The following PACRG variants were observed in gnomAD, a reference collection of about 807,000 sequenced individuals.
PACRG encodes the protein parkin coregulated.
A neutral mutation model predicts 29.7 loss-of-function variants in PACRG; 29 were observed. The observed-to-expected ratio is 0.98, with a 90% CI of 0.73 to 1.33. PACRG has a LOEUF of 1.33. Among genes scored for constraint, PACRG ranks in the 40% most tolerant of loss-of-function variants. PACRG has a pLI of 0.00. For synonymous variants in PACRG, 116 were observed against 118.7 expected, an observed-to-expected ratio of 0.98 and a Z score of 0.15; for missense variants, 279 against 316.2, an observed-to-expected ratio of 0.88 and a Z score of 0.89.
chr6:163,101,049 T>C, intron 4 of PACRG: 1 of 982,516 alleles, frequency 1.0e-6, no homozygotes, highest in Non-Finnish European at 1.2e-6. Context: ...TTAGTGAGCA[T>C]ATTTATATTC....
chr6:162,945,155 C>T (rs1388217848), intron 2 of PACRG, among the ~76,000 whole-genome samples: 1 of 152,006 alleles, frequency 6.6e-6, no homozygotes, highest in African/African-American at 2.4e-5. Flanking sequence ...TAAGCCTTCA[C>T]ATATCAATGA....
chr6:163,251,379 G>A (rs1028777836), intron 4 of PACRG, among the ~76,000 whole-genome samples: 3 of 152,180 alleles, frequency 2.0e-5, no homozygotes, highest in Non-Finnish European at 2.9e-5. Flanking sequence ...TTTGGAGGTC[G>A]TTGCACATTC....
In PACRG at chr6:162,728,019, A is replaced by G; in HGVS notation, c.-217A>G. Reference sequence around the variant, plus strand: ...ACCTTTGGAAGCTTGTTGCAGCTCTAGCCAAGGTCCTGCCCTCTTCCCGCC... The same window carrying G: ...ACCTTTGGAAGCTTGTTGCAGCTCTGGCCAAGGTCCTGCCCTCTTCCCGCC... On this transcript the variant is annotated 5_prime_UTR_variant, in exon 1 of 5. Transcript: ENST00000366888. 1.5e-6 allele frequency: 1 copy of G among 660,708 alleles called. No individual in the cohort carries two copies. The highest frequency in any genetic ancestry group is 2.6e-5 in the Admixed American group (1 of 38,468). 40.9% of individuals were successfully genotyped at this position (660,708 alleles called of 1,614,324 possible).
chr6:163,069,876 C>T (rs1270296987), intron 3 of PACRG, among the ~76,000 whole-genome samples: 1 of 152,028 alleles, frequency 6.6e-6, no homozygotes, highest in Non-Finnish European at 1.5e-5. Flanking sequence ...TAATTAAACT[C>T]CCAAAGGTTA....
rs74664200 is a variant in PACRG, at chr6:163,011,573, C to T, written c.292-50577C>T. Among the ~76,000 whole-genome samples, 889 of 152,176 alleles carry T rather than the reference C, an allele frequency of 5.8e-3. 4 individuals carry two copies. Among genetic ancestry groups the T allele is most frequent in the African/African-American group, 0.015 (602 of 41,494 alleles). On this transcript the variant is annotated intron_variant, in intron 2 of 4. Transcript: ENST00000366888. ...GGGTATCACTGTACACTACCAGGGA[C>T]CTCATAGACACTGTGCACTTAGGCT...
chr6:162,866,735 C>T (rs1792330308), intron 2 of PACRG, among the ~76,000 whole-genome samples: 1 of 152,052 alleles, frequency 6.6e-6, no homozygotes, highest in Admixed American at 6.6e-5. Flanking sequence ...ACAATAAAAG[C>T]CTAAACAGAA....
intron 2 of PACRG, among the ~76,000 whole-genome samples, chr6:163,008,446 C>G (rs916146217): frequency 6.6e-6 from 1 of 151,994 alleles, no homozygotes; most frequent in African/African-American, 2.4e-5. Flanking sequence ...TTTCCAGATT[C>G]TCTAAACTCA....
chr6:162,889,603 A>ACAGCATGG (rs1317537702), intron 2 of PACRG, among the ~76,000 whole-genome samples: 2 of 152,222 alleles, frequency 1.3e-5, no homozygotes, highest in Non-Finnish European at 2.9e-5. Flanking sequence ...CTGTGATTAT[A>ACAGCATGG]CAGCATGGCA....
At chr6:163,292,816 A>G (rs1784661319) in intron 4 of PACRG, among the ~76,000 whole-genome samples, 1 of 152,184 alleles carries the variant, frequency 6.6e-6, no homozygotes, top group African/African-American at 2.4e-5. Flanking sequence ...ATATTAAGTA[A>G]TCTAAACCAG....
chr6:162,828,961 G>A (rs9346934), intron 2 of PACRG, among the ~76,000 whole-genome samples: 52,543 of 151,986 alleles, frequency 0.35, 11,544 homozygotes, highest in African/African-American at 0.59. Flanking sequence ...AACCCTAATT[G>A]AGGAATCATG....
At chr6:163,151,145 C>T (rs1185432762) in intron 4 of PACRG, among the ~76,000 whole-genome samples, 1 of 152,122 alleles carries the variant, frequency 6.6e-6, no homozygotes, top group Non-Finnish European at 1.5e-5. Flanking sequence ...CTTTTATTTG[C>T]AAAAGAATAT....
chr6:163,304,478 C>A (rs976755265), intron 4 of PACRG, among the ~76,000 whole-genome samples: 1 of 152,132 alleles, frequency 6.6e-6, no homozygotes, highest in African/African-American at 2.4e-5. Context: ...ATGATCCTTT[C>A]CCCCCACGAG....
intron 2 of PACRG, among the ~76,000 whole-genome samples, chr6:162,823,670 C>T (rs1331108746): frequency 1.3e-5 from 2 of 152,036 alleles, no homozygotes; most frequent in Non-Finnish European, 2.9e-5. Flanking sequence ...CGCCACCACA[C>T]CCGGCTAATT....
intron 2 of PACRG, chr6:162,997,586 C>T (rs1804190266): frequency 3.2e-6 from 1 of 316,234 alleles, no homozygotes; most frequent in East Asian, 1.0e-4. Flanking sequence ...AAAGAGGTGA[C>T]AATTTGACAT....
intron 2 of PACRG, among the ~76,000 whole-genome samples, chr6:162,970,574 T>G (rs1801446200): frequency 6.6e-6 from 1 of 152,186 alleles, no homozygotes; most frequent in Non-Finnish European, 1.5e-5. Flanking sequence ...CACCCAAGAA[T>G]AATCGTGCCA....
chr6:163,291,352 T>A (rs1342767521), intron 4 of PACRG, among the ~76,000 whole-genome samples: 1 of 143,284 alleles, frequency 7.0e-6, no homozygotes, highest in Non-Finnish European at 1.5e-5. Flanking sequence ...CCCTGCAAGA[T>A]GACCCCTCTG....
chr6:162,992,467 G>C (rs1304265129), intron 2 of PACRG, among the ~76,000 whole-genome samples: 1 of 149,072 alleles, frequency 6.7e-6, no homozygotes, highest in Non-Finnish European at 1.5e-5. Context: ...GTTTAATCTT[G>C]GGAGAGTGTA....
chr6:163,197,151 A>G (rs1780493916), intron 4 of PACRG, among the ~76,000 whole-genome samples: 1 of 152,198 alleles, frequency 6.6e-6, no homozygotes, highest in South Asian at 2.1e-4. Context: ...AAATACATAT[A>G]TTAGTAGAAT....
intron 2 of PACRG, among the ~76,000 whole-genome samples, chr6:162,931,968 A>C (rs1173536723): frequency 1.3e-5 from 2 of 152,028 alleles, no homozygotes; most frequent in Non-Finnish European, 2.9e-5. Context: ...AATGTTGATA[A>C]GGGCTTTATA....
Sources: gnomAD v4.1 joint callset for allele counts (sites outside exome capture counted in the v4.1 genomes callset) on GRCh38, gnomAD v4.1.1 for gene constraint, MANE v1.5 for transcripts, NCBI Gene and HGNC (gene_info 2026-07-23, HGNC 2026-07-21) for gene names.